COLEC12: variants seen among roughly 807,000 people sequenced by gnomAD.
The protein encoded by COLEC12 is collectin subfamily member 12, also known as collectin-12.
In COLEC12, 33 loss-of-function variants were observed where a neutral mutation model predicts 71.1. The ratio of observed to expected loss-of-function variants is 0.46; its 90% confidence interval spans 0.35 to 0.62. COLEC12 has a LOEUF of 0.62. Ranked by LOEUF, COLEC12 falls within the 20% of genes least tolerant of loss-of-function variation. The pLI is 0.00. For synonymous variants in COLEC12, 350 were observed against 353.0 expected, an observed-to-expected ratio of 0.99 and a Z score of 0.10; for missense variants, 765 against 916.1, an observed-to-expected ratio of 0.84 and a Z score of 2.13.
At chr18:421,747 G>A (rs927558195) in intron 2 of COLEC12, among the ~76,000 whole-genome samples, 2 of 152,080 alleles carry the variant, frequency 1.3e-5, no homozygotes, top group Admixed American at 1.3e-4. Flanking sequence ...GACCACTGAT[G>A]GTAGTCTTAT....
intron 3 of COLEC12, among the ~76,000 whole-genome samples, chr18:350,684 T>C (rs1914495006): frequency 6.6e-6 from 1 of 152,022 alleles, no homozygotes; most frequent in Non-Finnish European, 1.5e-5. Context: ...TTCCAACACT[T>C]TGGGAGGCTG....
Position 499,190 on chromosome 18 carries a change from T to G in COLEC12, c.7+1318A>C, listed in dbSNP as rs374494863. Among the ~76,000 whole-genome samples, 23 of 152,320 alleles carry G rather than the reference T, an allele frequency of 1.5e-4. No homozygotes were observed. The South Asian group carries it at 4.1e-3, about 27-fold the overall frequency. On this transcript the variant is annotated intron_variant, in intron 1 of 9. Transcript: ENST00000400256. ...GTAAATGAGGGAAGAGAAACTGAGA[T>G]GGAGACAGAAGGAAAGCAAGCCACT...
chr18:324,378 A>T (rs1184980101), intron 8 of COLEC12, among the ~76,000 whole-genome samples: 1 of 152,216 alleles, frequency 6.6e-6, no homozygotes, highest in Admixed American at 6.5e-5. Flanking sequence ...TATCATACAC[A>T]TGTCACAGAA....
chr18:455,852 T>C (rs1916861579), intron 2 of COLEC12, among the ~76,000 whole-genome samples: 1 of 152,228 alleles, frequency 6.6e-6, no homozygotes, highest in South Asian at 2.1e-4. Flanking sequence ...CTGCATAGTA[T>C]TCTGTGGTGT....
At chr18:383,276 A>T (rs1915273730) in intron 2 of COLEC12, among the ~76,000 whole-genome samples, 1 of 152,218 alleles carries the variant, frequency 6.6e-6, no homozygotes, top group Non-Finnish European at 1.5e-5. Context: ...ATAAGACGAG[A>T]GTAATGGCTT....
intron 5 of COLEC12, among the ~76,000 whole-genome samples, chr18:340,258 G>A (rs1335411499): frequency 2.6e-5 from 4 of 151,916 alleles, no homozygotes; most frequent in Non-Finnish European, 5.9e-5. Flanking sequence ...GGCCAAGTAC[G>A]GGTGGCTCAC....
At chr18:324,156 T>C (rs913510565) in intron 8 of COLEC12, among the ~76,000 whole-genome samples, 1 of 152,124 alleles carries the variant, frequency 6.6e-6, no homozygotes, top group African/African-American at 2.4e-5. Flanking sequence ...TCAAAGCATC[T>C]CTTTGGCAAA....
intron 2 of COLEC12, among the ~76,000 whole-genome samples, chr18:384,602 C>T (rs1191726990): frequency 6.6e-6 from 1 of 152,182 alleles, no homozygotes; most frequent in African/African-American, 2.4e-5. Context: ...AAAGAATGTG[C>T]AACCTACTGC....
At chr18:334,239 A>G (rs1438421951) in intron 6 of COLEC12, 3 of 151,984 alleles carry the variant, frequency 2.0e-5, no homozygotes, top group African/African-American at 7.3e-5. Context: ...AGAGAACCCA[A>G]TGGCGTTTAG....
chr18:477,630 A>T (rs1029432188), intron 2 of COLEC12, among the ~76,000 whole-genome samples: 1 of 152,192 alleles, frequency 6.6e-6, no homozygotes, highest in African/African-American at 2.4e-5. Context: ...AACAGCCCCA[A>T]ATCTCGGGAG....
At chr18:356,840 C>G (rs969988291) in intron 3 of COLEC12, among the ~76,000 whole-genome samples, 2 of 152,140 alleles carry the variant, frequency 1.3e-5, no homozygotes, top group African/African-American at 4.8e-5. Context: ...GCCCAACATC[C>G]TATAAAGTAG....
chr18:417,728 G>C (rs1369512636), intron 2 of COLEC12, among the ~76,000 whole-genome samples: 1 of 152,214 alleles, frequency 6.6e-6, no homozygotes, highest in South Asian at 2.1e-4. Context: ...GTTGCTGTCA[G>C]CAAGTTCCAA....
Position 460,411 on chromosome 18 carries a change from T to G in COLEC12, c.58+20296A>C, listed in dbSNP as rs143349321. ...AGGTTTTCTTCCCCGTGGAGTAGAA[T>G]GCAGGAATTTATCTGTCTTAAGGTC... On this transcript the variant is annotated intron_variant, in intron 2 of 9. Transcript: ENST00000400256. Among the ~76,000 whole-genome samples the G allele has an allele frequency of 3.3e-3, 505 of 152,318 alleles. 3 individuals carry two copies. The highest frequency in any genetic ancestry group is 0.011 in the African/African-American group (468 of 41,570).
At chr18:332,041 A>C (rs964034747) in intron 7 of COLEC12, among the ~76,000 whole-genome samples, 1 of 152,210 alleles carries the variant, frequency 6.6e-6, no homozygotes, top group Admixed American at 6.5e-5. Flanking sequence ...AACCCAGTGA[A>C]TGTCCATTGG....
chr18:393,055 C>A (rs1012530273), intron 2 of COLEC12, among the ~76,000 whole-genome samples: 2 of 152,168 alleles, frequency 1.3e-5, no homozygotes, highest in African/African-American at 4.8e-5. Context: ...CCTCTAGATA[C>A]CCTAAGTTGT....
intron 1 of COLEC12, among the ~76,000 whole-genome samples, chr18:495,362 C>T (rs762922201): frequency 2.0e-5 from 3 of 152,122 alleles, no homozygotes; most frequent in South Asian, 2.1e-4. Flanking sequence ...GATCACTCAC[C>T]GGTGGTTACA....
intron 2 of COLEC12, among the ~76,000 whole-genome samples, chr18:383,948 C>T (rs544054816): frequency 2.0e-5 from 3 of 152,230 alleles, no homozygotes; most frequent in South Asian, 4.2e-4. Flanking sequence ...AAGGGGTTTC[C>T]CCTTATAAAA....
intron 2 of COLEC12, among the ~76,000 whole-genome samples, chr18:447,595 A>C (rs1209035309): frequency 1.3e-5 from 2 of 152,220 alleles, no homozygotes; most frequent in African/African-American, 4.8e-5. Flanking sequence ...GTGTGCTGAG[A>C]ATCTAGTACA....
intron 2 of COLEC12, among the ~76,000 whole-genome samples, chr18:400,515 T>C (rs1322344484): frequency 1.3e-5 from 2 of 152,352 alleles, no homozygotes; most frequent in Admixed American, 1.3e-4. Flanking sequence ...AATTACCTTC[T>C]GAAGGGTAAT....
Sources: allele counts gnomAD v4.1 joint callset (sites outside exome capture counted in the v4.1 genomes callset), GRCh38; gene constraint gnomAD v4.1.1; transcripts MANE v1.5; gene names NCBI Gene and HGNC (gene_info 2026-07-23, HGNC 2026-07-21).